Variants in DCAKD observed in about 807,000 individuals in gnomAD.
The protein encoded by DCAKD is dephospho-CoA kinase domain-containing protein.
Under a neutral mutation model 18.7 loss-of-function variants are expected in DCAKD, and 15 were observed. That is an observed-to-expected ratio of 0.80 (90% CI 0.54 to 1.24). The LOEUF is 1.24. Ranked by LOEUF, DCAKD falls within the 50% of genes most tolerant of loss-of-function variation. DCAKD has a pLI of 0.00. For synonymous variants in DCAKD, 130 were observed against 133.0 expected (o/e 0.98, Z 0.16); for missense variants, 301 against 322.0 (o/e 0.93, Z 0.50).
chr17:45,044,705 A>C (rs879658453), intron 1 of DCAKD, among the ~76,000 whole-genome samples: 6,469 of 95,838 alleles, frequency 0.067, 399 homozygotes, highest in African/African-American at 0.16. Context: ...ATAAATAAAT[A>C]AATAAATAAA....
chr17:45,037,777 T>C (rs573227650), intron 1 of DCAKD, among the ~76,000 whole-genome samples: 93 of 148,600 alleles, frequency 6.3e-4, no homozygotes, highest in African/African-American at 2.1e-3. Context: ...CTTTTTTTTT[T>C]TTTTTTTGAG....
rs12602268 is a variant in DCAKD, at chr17:45,045,238, C to G, written c.-115+6123G>C. ...GAAAGCAGGGGAACTGGGGACCTTA[C>G]AGAGAAACTGTCCCCAAATATATAA... On this transcript the variant is annotated intron_variant, in intron 1 of 4. Transcript: ENST00000651974. Among the ~76,000 whole-genome samples, 32 of 152,318 alleles carry G rather than the reference C, an allele frequency of 2.1e-4. No individual in the cohort carries two copies. In the East Asian group the frequency reaches 5.4e-3, roughly 26 times the overall value.
rs376226647 is a variant in DCAKD, at chr17:45,024,407, T to C, written c.*26A>G. On this transcript the variant is annotated 3_prime_UTR_variant, in exon 5 of 5. Coordinates refer to ENST00000651974, the MANE Select transcript of DCAKD (RefSeq NM_001288655.2). ...GCCTCCAAGGAGATAGATGGAGGCCTGGGGCTCCCTGCCTTGAGTGCCCCA... is the reference window on the plus strand; with the variant it reads ...GCCTCCAAGGAGATAGATGGAGGCCCGGGGCTCCCTGCCTTGAGTGCCCCA... 135 of 1,577,944 alleles carry C rather than the reference T, an allele frequency of 8.6e-5. No individual in the cohort carries two copies. The African/African-American group carries it at 1.3e-3, about 16-fold the overall frequency.
chr17:45,060,421 A>C (rs1375020292), intron 1 of DCAKD, among the ~76,000 whole-genome samples: 2 of 152,024 alleles, frequency 1.3e-5, no homozygotes, highest in Non-Finnish European at 2.9e-5. Flanking sequence ...GGTACTTGGG[A>C]GGCTGAGGTG....
intron 4 of DCAKD, among the ~76,000 whole-genome samples, chr17:45,029,869 C>T (rs2053138855): frequency 6.6e-6 from 1 of 152,072 alleles, no homozygotes. Flanking sequence ...GGAGCGCTCC[C>T]CAAACACTAG....
At chr17:45,042,642 G>C (rs1265225242) in intron 1 of DCAKD, among the ~76,000 whole-genome samples, 4 of 152,252 alleles carry the variant, frequency 2.6e-5, no homozygotes. Context: ...CGAGGAACCA[G>C]TGGTTGCAAA....
At chr17:45,057,227 AG>A (rs1209789785) in intron 1 of DCAKD, among the ~76,000 whole-genome samples, 10 of 151,620 alleles carry the variant, frequency 6.6e-5, no homozygotes, top group Non-Finnish European at 1.2e-4. Flanking sequence ...TATTTTTTTT[AG>A]AGACAGGGTC....
At position 45,034,660 on chromosome 17, in the gene DCAKD, G is replaced by C. The variant is rs2053248747; in HGVS notation, c.112+114C>G. 3.4e-6 allele frequency: 4 copies of C among 1,190,378 alleles called. No individual in the cohort carries two copies. In the East Asian group the frequency reaches 1.0e-4, roughly 30 times the overall value. The allele number at this position is 1,190,378 out of a possible 1,614,324, so 73.7% of individuals were successfully genotyped here. A position where few individuals can be genotyped will look rare whatever the true frequency, so the allele number is the denominator to read the frequency against. ...GGGGCAGAGACAGAAGTCAGACCAG[G>C]GTCAACAGGAGCCTTCCCCTCCTCT... On this transcript the variant is annotated intron_variant, in intron 2 of 4. Transcript: ENST00000651974.
intron 1 of DCAKD, among the ~76,000 whole-genome samples, chr17:45,043,567 G>A (rs550925077): frequency 8.5e-5 from 13 of 152,252 alleles, no homozygotes; most frequent in Non-Finnish European, 5.9e-5. Context: ...CACACACACC[G>A]GAGGCAAAGA....
chr17:45,027,045 T>C (rs188315624), intron 4 of DCAKD, among the ~76,000 whole-genome samples: 2 of 152,324 alleles, frequency 1.3e-5, no homozygotes, highest in Admixed American at 6.5e-5. Flanking sequence ...GACAAATTTT[T>C]CAAAAACATG....
At chr17:45,056,781 CCTTT>C (rs1043190546) in intron 1 of DCAKD, among the ~76,000 whole-genome samples, 63 of 139,438 alleles carry the variant, frequency 4.5e-4, no homozygotes, top group African/African-American at 1.6e-3. Flanking sequence ...GGCCCTTTTT[CCTTT>C]GAGACAGAGC....
At chr17:45,060,288 T>G (rs928087598) in intron 1 of DCAKD, among the ~76,000 whole-genome samples, 1 of 150,642 alleles carries the variant, frequency 6.6e-6, no homozygotes, top group African/African-American at 2.4e-5. Context: ...CTTTGCGGGG[T>G]TGGGGTAGGA....
chr17:45,030,151 G>T lies in DCAKD; in HGVS notation c.345C>A (p.Pro115=). ...GCAACTTCTTGGTCTCAAACAGCAG[G>T]GGGATATCCAGAATCACGTAGCGGT... ...RGYRYVILDI[P]LLFETKKLLK... is the part of the protein sequence containing the mutation. Residue 115 remains proline, a synonymous_variant, in exon 4 of 5, where the codon CCC becomes CCA. Transcript: ENST00000651974. 1 of 1,614,138 alleles carries T rather than the reference G, an allele frequency of 6.2e-7. No individual in the cohort carries two copies. Among genetic ancestry groups the T allele is most frequent in the African/African-American group, 1.3e-5 (1 of 75,024 alleles).
At chr17:45,056,829 G>A (rs769617267) in intron 1 of DCAKD, among the ~76,000 whole-genome samples, 16 of 150,882 alleles carry the variant, frequency 1.1e-4, no homozygotes, top group Non-Finnish European at 2.2e-4. Context: ...GTGCGGTGGC[G>A]TGATCTCCGC....
chr17:45,056,858 C>T (rs371418353), intron 1 of DCAKD, among the ~76,000 whole-genome samples: 198 of 152,154 alleles, frequency 1.3e-3, no homozygotes, highest in African/African-American at 4.3e-3. Flanking sequence ...AGCTCCGCCT[C>T]CCTGGTTTAC....
At chr17:45,034,691 T>C in intron 2 of DCAKD, 83 bp downstream of exon 2, 1 of 1,439,218 alleles carries the variant, frequency 6.9e-7, no homozygotes, top group South Asian at 1.2e-5. Context: ...CCTCTGAGAC[T>C]TATAAAAAAA....
intron 4 of DCAKD, chr17:45,026,716 T>G: frequency 1.0e-6 from 1 of 985,380 alleles, no homozygotes; most frequent in Non-Finnish European, 1.2e-6. Flanking sequence ...AGCTATAGAT[T>G]TCCTCTGTTA....
At chr17:45,025,522 G>A (rs946432665) in intron 4 of DCAKD, among the ~76,000 whole-genome samples, 1 of 152,060 alleles carries the variant, frequency 6.6e-6, no homozygotes, top group African/African-American at 2.4e-5. Context: ...CCTTCCTCAG[G>A]AAACTCCCTC....
upstream of DCAKD, among the ~76,000 whole-genome samples, chr17:45,055,834 T>C (rs2053773546): frequency 6.6e-6 from 1 of 152,094 alleles, no homozygotes. Context: ...ACAATCTATC[T>C]CATGGCTTCG....
Sources: allele counts gnomAD v4.1 joint callset (sites outside exome capture counted in the v4.1 genomes callset), GRCh38; gene constraint gnomAD v4.1.1; transcripts MANE v1.5; gene names NCBI Gene and HGNC (gene_info 2026-07-23, HGNC 2026-07-21).